Variants in BCAS1 observed in about 807,000 individuals in gnomAD.
The protein encoded by BCAS1 is breast carcinoma-amplified sequence 1.
A neutral mutation model predicts 65.4 loss-of-function variants in BCAS1; 46 were observed. The ratio of observed to expected loss-of-function variants is 0.70; its 90% CI spans 0.55 to 0.90. BCAS1 has a LOEUF of 0.90. Among genes scored for constraint, BCAS1 ranks in the 40% least tolerant of loss-of-function variants. The pLI is 0.00. For missense variants in BCAS1, 793 were observed against 771.2 expected, an observed-to-expected ratio of 1.03 and a Z score of -0.33; for synonymous variants, 298 against 293.5, an observed-to-expected ratio of 1.02 and a Z score of -0.16.
At chr20:53,966,700 A>C (rs1012394057) in intron 10 of BCAS1, among the ~76,000 whole-genome samples, 10 of 152,222 alleles carry the variant, frequency 6.6e-5, no homozygotes, top group African/African-American at 2.4e-4. Flanking sequence ...AGAAGGGTTA[A>C]AGAATATTAG....
At chr20:54,000,785 A>G (rs562872447) in intron 4 of BCAS1, among the ~76,000 whole-genome samples, 25 of 151,982 alleles carry the variant, frequency 1.6e-4, no homozygotes, top group Non-Finnish European at 8.8e-5. Flanking sequence ...CATCCAGTGT[A>G]TTTTTTACCT....
intron 4 of BCAS1, among the ~76,000 whole-genome samples, chr20:53,999,338 CT>C (rs2090999757): frequency 6.6e-6 from 1 of 152,192 alleles, no homozygotes; most frequent in Non-Finnish European, 1.5e-5. Flanking sequence ...ACAAATCTAT[CT>C]TATCTAATCT....
chr20:53,984,188 T>G (rs536908447), intron 8 of BCAS1, among the ~76,000 whole-genome samples: 1 of 152,232 alleles, frequency 6.6e-6, no homozygotes, highest in African/African-American at 2.4e-5. Flanking sequence ...TATGGGCCAC[T>G]TAAGTCTTCT....
Position 53,995,033 on chromosome 20 carries a change from T to G in BCAS1, c.906A>C (p.Thr302=). Residue 302 remains threonine (T), a synonymous_variant, in exon 6 of 13, where the codon ACA becomes ACC. Coordinates refer to ENST00000688948, the MANE Select transcript of BCAS1 (RefSeq NM_001366298.2). ...KTLVSPNKAE[T]KKDPEDTASK... ...CTACCGTGTCTTCTGGGTCCTTTTT[T>G]GTTTCAGCTTTGTTAGGTGAAACCT... 2 of 1,613,658 alleles carry G rather than the reference T, an allele frequency of 1.2e-6. No homozygotes were observed. Among genetic ancestry groups the G allele is most frequent in the Non-Finnish European group, 1.7e-6 (2 of 1,179,766 alleles).
At chr20:53,959,021 C>T (rs994508126) in intron 10 of BCAS1, among the ~76,000 whole-genome samples, 1 of 152,180 alleles carries the variant, frequency 6.6e-6, no homozygotes, top group East Asian at 1.9e-4. Flanking sequence ...TGGAGGATGA[C>T]CAAACTCAAA....
chr20:54,035,885 G>A lies in BCAS1; in HGVS notation c.143-6913C>T, dbSNP rs146197441. On this transcript the variant is annotated intron_variant, in intron 3 of 12. Transcript: ENST00000688948. ...AATACTATGCAGCCATAAAAAGAAC[G>A]AGATCATGTCCTTTGCAGGAACATG... 1.1e-3 allele frequency among the ~76,000 whole-genome samples: 174 copies of A among 151,332 alleles called. 4 individuals are homozygous for A. The highest frequency in any genetic ancestry group is 3.6e-3 in the African/African-American group (150 of 41,440).
intron 1 of BCAS1, among the ~76,000 whole-genome samples, chr20:54,061,208 C>T (rs1346865712): frequency 6.6e-6 from 1 of 152,124 alleles, no homozygotes; most frequent in African/African-American, 2.4e-5. Context: ...AGTTAATGAG[C>T]AAGATTCAAA....
intron 4 of BCAS1, among the ~76,000 whole-genome samples, chr20:54,008,206 C>T (rs76786314): frequency 0.011 from 1,657 of 152,266 alleles, 40 homozygotes; most frequent in East Asian, 0.087. Flanking sequence ...TTCACAAGAC[C>T]GTAATAGGTT....
chr20:54,023,803 C>A (rs1266267144), intron 4 of BCAS1, among the ~76,000 whole-genome samples: 1 of 152,174 alleles, frequency 6.6e-6, no homozygotes. Context: ...AATAATTTTA[C>A]AACTTTTATA....
chr20:54,041,199 G>A (rs2091984533), intron 3 of BCAS1, among the ~76,000 whole-genome samples: 2 of 151,318 alleles, frequency 1.3e-5, no homozygotes, highest in Admixed American at 1.3e-4. Context: ...CAGCGCTAAA[G>A]GGTAGGGAGT....
At chr20:54,065,473 G>C (rs915354481) in intron 1 of BCAS1, among the ~76,000 whole-genome samples, 2 of 152,168 alleles carry the variant, frequency 1.3e-5, no homozygotes, top group African/African-American at 4.8e-5. Context: ...GCTTTGGGGG[G>C]CGTGCACTGG....
chr20:54,023,501 C>T (rs942208104), intron 4 of BCAS1, among the ~76,000 whole-genome samples: 2 of 152,234 alleles, frequency 1.3e-5, no homozygotes. Flanking sequence ...TCATGCTGTC[C>T]GAAATCATCC....
chr20:54,035,854 C>A (rs906123728), intron 3 of BCAS1, among the ~76,000 whole-genome samples: 7 of 151,302 alleles, frequency 4.6e-5, no homozygotes, highest in Non-Finnish European at 7.4e-5. Flanking sequence ...TACATATACA[C>A]CATGGAATAC....
intron 7 of BCAS1, 149 bp from the exon 8 acceptor site, chr20:53,985,648 T>G (rs2145779044): frequency 1.5e-6 from 1 of 686,712 alleles, no homozygotes; most frequent in South Asian, 2.2e-5. Flanking sequence ...AAATTTTTAC[T>G]GTGAATGTGG....
At chr20:53,953,398 G>A (rs2145506962) in intron 12 of BCAS1, 34 bp downstream of exon 12, 1 of 1,610,244 alleles carries the variant, frequency 6.2e-7, no homozygotes, top group Admixed American at 1.7e-5. Context: ...GAAGGAGAGA[G>A]CCCAGAAAGA....
intron 9 of BCAS1, among the ~76,000 whole-genome samples, chr20:53,973,099 A>G (rs1005356694): frequency 6.6e-6 from 1 of 152,146 alleles, no homozygotes; most frequent in Non-Finnish European, 1.5e-5. Flanking sequence ...ATGGTGGCGC[A>G]TGCCTGTAAT....
intron 4 of BCAS1, among the ~76,000 whole-genome samples, chr20:53,996,461 TAA>T (rs143929524): frequency 1.1e-4 from 10 of 92,192 alleles, no homozygotes; most frequent in African/African-American, 1.4e-4. Context: ...TTATATCAAC[TAA>T]AAAAAAAAAA....
intron 4 of BCAS1, among the ~76,000 whole-genome samples, chr20:54,015,785 A>G (rs1465063058): frequency 1.3e-5 from 2 of 152,222 alleles, no homozygotes; most frequent in Non-Finnish European, 2.9e-5. Context: ...GGCAATTTCT[A>G]ATTAACACAG....
intron 1 of BCAS1, among the ~76,000 whole-genome samples, chr20:54,068,197 A>G (rs1415538780): frequency 6.6e-6 from 1 of 152,086 alleles, no homozygotes. Context: ...GATCAAAATC[A>G]CCTTGGATGT....
Sources: gnomAD v4.1 joint callset for allele counts (sites outside exome capture counted in the v4.1 genomes callset) on GRCh38, gnomAD v4.1.1 for gene constraint, MANE v1.5 for transcripts, NCBI Gene and HGNC (gene_info 2026-07-23, HGNC 2026-07-21) for gene names.